Variants in OR1J2 observed in about 807,000 individuals in gnomAD.
The protein encoded by OR1J2 is olfactory receptor 1J2.
For missense variants in OR1J2, 304 were observed against 246.1 expected (o/e 1.24, Z -1.57); for synonymous variants, 142 against 99.7 (o/e 1.42, Z -2.52).
chr9:122,543,973 T>C, the OR1J2 span, among the ~76,000 whole-genome samples: 4 of 152,210 alleles, frequency 2.6e-5, no homozygotes, highest in African/African-American at 9.6e-5. Flanking sequence ...GTTATCATAA[T>C]CATAATTTTC....
At chr9:122,560,823 T>C in the OR1J2 span, among the ~76,000 whole-genome samples, 1 of 152,160 alleles carries the variant, frequency 6.6e-6, no homozygotes, top group Non-Finnish European at 1.5e-5. Flanking sequence ...GATCTTCTCA[T>C]GGAGTATCTT....
chr9:122,449,021 A>G, the OR1J2 span: 1 of 150,222 alleles, frequency 6.7e-6, no homozygotes, highest in Non-Finnish European at 1.5e-5. Flanking sequence ...AAAAAAAAGT[A>G]GGGTAAGAAC....
the OR1J2 span, chr9:122,519,831 A>G: frequency 6.2e-7 from 1 of 1,614,036 alleles, no homozygotes; most frequent in Non-Finnish European, 8.5e-7. Flanking sequence ...GGCTCCATCT[A>G]CTAAGGGCAT....
At chr9:122,459,447 T>G in the OR1J2 span, among the ~76,000 whole-genome samples, 1 of 152,246 alleles carries the variant, frequency 6.6e-6, no homozygotes, top group East Asian at 1.9e-4. Context: ...GAAAGGACAC[T>G]TGCCCAGTAA....
At chr9:122,468,760 A>G in the OR1J2 span, among the ~76,000 whole-genome samples, 8 of 152,198 alleles carry the variant, frequency 5.3e-5, no homozygotes, top group African/African-American at 1.4e-4. Context: ...TCCTCATGCC[A>G]TGGAAGCCGT....
At chr9:122,520,681 G>A in the OR1J2 span, among the ~76,000 whole-genome samples, 20 of 152,134 alleles carry the variant, frequency 1.3e-4, no homozygotes, top group African/African-American at 4.8e-4. Flanking sequence ...CTTCAATCAC[G>A]CCGCAGACTT....
At chr9:122,482,396 A>G in the OR1J2 span, among the ~76,000 whole-genome samples, 1 of 152,306 alleles carries the variant, frequency 6.6e-6, no homozygotes, top group African/African-American at 2.4e-5. Context: ...ATGTGGAAAA[A>G]GGGGAAGACT....
At chr9:122,518,716 C>T in the OR1J2 span, among the ~76,000 whole-genome samples, 4 of 152,314 alleles carry the variant, frequency 2.6e-5, no homozygotes, top group Admixed American at 2.6e-4. Flanking sequence ...ATGGAAACTT[C>T]ATCCCTATAT....
the OR1J2 span, chr9:122,526,456 T>C: frequency 1.4e-5 from 22 of 1,539,258 alleles, no homozygotes; most frequent in Non-Finnish European, 1.7e-5. Context: ...AACATGGGAG[T>C]CACTATGGTG....
the OR1J2 span, among the ~76,000 whole-genome samples, chr9:122,566,793 C>T: frequency 8.4e-4 from 128 of 152,048 alleles, 1 homozygote; most frequent in Non-Finnish European, 1.4e-3. Context: ...AGTTTCTAGA[C>T]GAAGTATTAA....
In OR1J2 at chr9:122,511,144, A is replaced by G. The variant is rs760454506; in HGVS notation, c.343A>G (p.Ile115Val). Residue 115 changes from isoleucine (I) to valine (V), a missense_variant, in exon 1 of 1, where the codon ATT (isoleucine) becomes GTT (valine). Ile to Val is a conservative substitution (Grantham distance 29, BLOSUM62 3). Transcript: ENST00000335302. ...TTTTACTGACCTGGACAGCTTCCTT[A>G]TTACATCAATGGCATATGACCGATA... is the stretch of plus-strand genomic sequence containing the variant. ...IFFTDLDSFLITSMAYDRYVA... is the reference protein window; with the variant it reads ...IFFTDLDSFLVTSMAYDRYVA... 1.3e-6 allele frequency: 1 copy of G among 765,814 alleles called. No homozygotes were observed. Among genetic ancestry groups the G allele is most frequent in the Non-Finnish European group, 2.3e-6 (1 of 437,820 alleles). The allele number at this position is 765,814 out of a possible 1,614,324, so 47.4% of individuals were successfully genotyped here.
At chr9:122,519,284 C>T in the OR1J2 span, 6 of 1,614,032 alleles carry the variant, frequency 3.7e-6, no homozygotes, top group East Asian at 6.7e-5. Context: ...TCATCCTGCT[C>T]ATCCGGCTGG....
chr9:122,477,473 C>T, the OR1J2 span: 20 of 1,614,002 alleles, frequency 1.2e-5, no homozygotes, highest in Middle Eastern at 1.7e-4. Context: ...CACGCACAAG[C>T]GATGACCCAG....
In OR1J2 at chr9:122,511,061, C is replaced by G; in HGVS notation, c.260C>G (p.Thr87Ser). The part of the protein sequence containing the change: ...TVPKMLMDMR[T>S]KYKSILYEEC... ...CCTAAGATGCTGATGGACATGCGGA[C>G]TAAGTACAAATCGATCCTCTATGAG... The change falls in exon 1 of 1, where the codon ACT becomes AGT. Residue 87 changes from threonine to serine, a missense_variant. Coordinates refer to ENST00000335302, the MANE Select transcript of OR1J2 (RefSeq NM_054107.1). 7.1e-7 allele frequency: 1 copy of G among 1,405,786 alleles called. No individual in the cohort carries two copies. Among genetic ancestry groups the G allele is most frequent in the Middle Eastern group, 1.8e-4 (1 of 5,586 alleles). 87.1% of individuals were successfully genotyped at this position (1,405,786 alleles called of 1,614,324 possible).
the OR1J2 span, among the ~76,000 whole-genome samples, chr9:122,475,374 T>C: frequency 6.6e-6 from 1 of 152,228 alleles, no homozygotes; most frequent in African/African-American, 2.4e-5. Flanking sequence ...ACATTTCTTC[T>C]TTTCTATTGC....
chr9:122,571,331 C>T, the OR1J2 span, among the ~76,000 whole-genome samples: 1 of 152,016 alleles, frequency 6.6e-6, no homozygotes, highest in East Asian at 1.9e-4. Flanking sequence ...GCAGGCGGAT[C>T]ACAAGGTCAG....
chr9:122,477,378 G>T, the OR1J2 span: 1 of 1,614,038 alleles, frequency 6.2e-7, no homozygotes, highest in African/African-American at 1.3e-5. Flanking sequence ...ACTTGAGCAG[G>T]GCACCAAGGT....
chr9:122,545,160 T>C, the OR1J2 span, among the ~76,000 whole-genome samples: 6,938 of 152,154 alleles, frequency 0.046, 224 homozygotes, highest in Middle Eastern at 0.078. Context: ...GTGTTATTGA[T>C]TTATAATTTC....
the OR1J2 span, among the ~76,000 whole-genome samples, chr9:122,487,757 G>C: frequency 6.6e-6 from 1 of 152,212 alleles, no homozygotes; most frequent in African/African-American, 2.4e-5. Flanking sequence ...TCTGTGGTGA[G>C]ACACAGTTAG....
Sources: gnomAD v4.1 joint callset for allele counts (sites outside exome capture counted in the v4.1 genomes callset) on GRCh38, gnomAD v4.1.1 for gene constraint, MANE v1.5 for transcripts, NCBI Gene and HGNC (gene_info 2026-07-23, HGNC 2026-07-21) for gene names.